The following AURKA variants were observed in gnomAD, a reference collection of about 807,000 sequenced individuals.
AURKA encodes the protein aurora 2.
AURKA carries 12 observed loss-of-function variants against 40.9 expected under a neutral mutation model. That is an observed-to-expected ratio of 0.29 (90% confidence interval 0.19 to 0.48). The LOEUF (loss-of-function observed/expected upper bound fraction) is 0.48. Among genes scored for constraint, AURKA ranks in the 20% least tolerant of loss-of-function variants. The pLI is 0.99. For missense variants in AURKA, 322 were observed against 462.1 expected, an observed-to-expected ratio of 0.70 and a Z score of 2.78; for synonymous variants, 170 against 164.3, an observed-to-expected ratio of 1.03 and a Z score of -0.26.
intron 6 of AURKA, among the ~76,000 whole-genome samples, chr20:56,376,241 G>C (rs973190834): frequency 6.6e-6 from 1 of 152,202 alleles, no homozygotes; most frequent in Non-Finnish European, 1.5e-5. Context: ...GTGAGTACCT[G>C]AGGTAGAGTC....
At position 56,391,690 on chromosome 20, in the gene AURKA, G is replaced by A. The variant is rs144597600; in HGVS notation, c.-6+478C>T. Reference sequence around the variant, plus strand: ...CACCCACTCATCCAGCCAGGACAAGGGCCTTCTTAGGCTATTCTATCTAAA... The same window carrying A: ...CACCCACTCATCCAGCCAGGACAAGAGCCTTCTTAGGCTATTCTATCTAAA... On this transcript the variant is annotated intron_variant, in intron 1 of 8. Transcript: ENST00000395915. Among the ~76,000 whole-genome samples the A allele has an allele frequency of 7.8e-3, 1,185 of 152,008 alleles. 8 individuals are homozygous for A. The highest frequency in any genetic ancestry group is 0.016 in the South Asian group (79 of 4,796).
chr20:56,381,628 A>G (rs772008269), intron 5 of AURKA, 57 bp from the exon 6 acceptor site: 104 of 1,602,300 alleles, frequency 6.5e-5, no homozygotes, highest in Non-Finnish European at 8.4e-5. Context: ...AAGACTATGT[A>G]CAAAATGTCA....
intron 6 of AURKA, 125 bp downstream of exon 6, chr20:56,381,308 A>G (rs1376628358): frequency 1.6e-6 from 2 of 1,226,552 alleles, no homozygotes; most frequent in African/African-American, 1.5e-5. Flanking sequence ...TTCCACTTCA[A>G]ATATTTGATA....
At chr20:56,379,432 G>C (rs1328625107) in intron 6 of AURKA, among the ~76,000 whole-genome samples, 1 of 152,178 alleles carries the variant, frequency 6.6e-6, no homozygotes, top group South Asian at 2.1e-4. Flanking sequence ...TTAATGAAGA[G>C]ATAGATGGAT....
At chr20:56,384,427 G>T in intron 3 of AURKA, 103 bp from the exon 4 acceptor site, 1 of 848,014 alleles carries the variant, frequency 1.2e-6, no homozygotes, top group Non-Finnish European at 1.9e-6. Context: ...AATATTAATG[G>T]TATGTCAAGA....
intron 6 of AURKA, among the ~76,000 whole-genome samples, chr20:56,379,247 C>T (rs2146171901): frequency 6.6e-6 from 1 of 152,268 alleles, no homozygotes; most frequent in East Asian, 1.9e-4. Flanking sequence ...AGCTGGTTAA[C>T]AATTCTGATA....
rs2146143937 is a variant in AURKA at position 56,373,960 on chromosome 20, C to CA, written c.706-405dup. Among the ~76,000 whole-genome samples, 1 of 151,036 alleles carries CA rather than the reference C, an allele frequency of 6.6e-6. No individual in the cohort carries two copies. Among genetic ancestry groups the CA allele is most frequent in the East Asian group, 2.0e-4 (1 of 5,118 alleles). ...CTGTCTCAAAAAGGAAAAGACAAAA[C>CA]AAAAAATACATTTTGCAGGTTTTAA... On this transcript the variant is annotated intron_variant, in intron 6 of 8. Coordinates refer to ENST00000395915, the MANE Select transcript of AURKA (RefSeq NM_198437.3). This position sits in a 1 kb window ranked among gnomAD's most constrained non-coding sequence, Gnocchi z 5.0.
At position 56,386,243 on chromosome 20, in the gene AURKA, A is replaced by G. The variant is rs1244331831; in HGVS notation, c.319+14T>C. 1.2e-6 allele frequency: 2 copies of G among 1,614,112 alleles called. No individual in the cohort carries two copies. The highest frequency in any genetic ancestry group is 3.3e-5 in the Admixed American group (2 of 60,008). On this transcript the variant is annotated intron_variant, in intron 3 of 8. Coordinates refer to ENST00000395915, the MANE Select transcript of AURKA (RefSeq NM_198437.3). ...AAAGAAGGACTATCCAATGAGTCTC[A>G]AAAGCTAGTTTACCAGGTGCCGATG...
Position 56,377,554 on chromosome 20 carries a change from C to T in AURKA, c.705+3879G>A, listed in dbSNP as rs575417026. ...CTATAATCCCAGCACTTTGGGAGGC[C>T]GAGGCAGGTGGATCACAAGGTCAAG... is the stretch of plus-strand genomic sequence containing the variant. On this transcript the variant is annotated intron_variant, in intron 6 of 8. Transcript: ENST00000395915. Among the ~76,000 whole-genome samples the T allele has an allele frequency of 5.9e-5, 9 of 152,106 alleles. No homozygotes were observed. In the South Asian group the frequency reaches 1.7e-3, roughly 28 times the overall value.
At chr20:56,384,098 C>T (rs1181568024) in intron 4 of AURKA, among the ~76,000 whole-genome samples, 172 bp downstream of exon 4, 1 of 152,096 alleles carries the variant, frequency 6.6e-6, no homozygotes, top group Admixed American at 6.6e-5. Flanking sequence ...TAGTAAAATA[C>T]CTCATTACAC....
At chr20:56,382,151 G>A (rs1160326404) in intron 5 of AURKA, among the ~76,000 whole-genome samples, 16 of 148,936 alleles carry the variant, frequency 1.1e-4, no homozygotes, top group East Asian at 4.0e-4. Context: ...GCAACAGAGC[G>A]AGACTCCATC....
chr20:56,371,330 T>C (rs374651085), intron 7 of AURKA, among the ~76,000 whole-genome samples: 1,582 of 140,508 alleles, frequency 0.011, 11 homozygotes, highest in South Asian at 0.037. Context: ...GGTGTGGTGG[T>C]GTGCGCCTGT....
Position 56,384,316 on chromosome 20 carries a change from GATT to G in AURKA, c.325_327del (p.Asn109del), listed in dbSNP as rs1401130777. The G allele has an allele frequency of 1.9e-6, 3 of 1,598,986 alleles. No individual in the cohort carries two copies. The Admixed American group carries it at 5.0e-5, about 27-fold the overall frequency. On this transcript the variant is annotated inframe_deletion, in exon 4 of 9. Transcript: ENST00000395915. ...TGTTTTGATGCCAGTTCCTCCTCAG[GATT>G]ATTTTCTATATGGAATAAGTTAAAA...
intron 3 of AURKA, among the ~76,000 whole-genome samples, chr20:56,385,082 C>A (rs552174272): frequency 3.7e-4 from 56 of 152,216 alleles, no homozygotes; most frequent in Non-Finnish European, 6.3e-4. Context: ...CCTCTTTATT[C>A]ATCTTTCAGG....
chr20:56,376,570 T>C (rs542904110), intron 6 of AURKA, among the ~76,000 whole-genome samples: 3 of 148,916 alleles, frequency 2.0e-5, no homozygotes, highest in African/African-American at 7.4e-5. Context: ...AGAGAACTAA[T>C]GTCCACACTA....
rs549846915 is a variant in AURKA, at chr20:56,381,162, G to A, written c.705+271C>T. Among the ~76,000 whole-genome samples the A allele has an allele frequency of 2.0e-5, 3 of 152,110 alleles. No homozygotes were observed. In the South Asian group the frequency reaches 6.3e-4, roughly 32 times the overall value. On this transcript the variant is annotated intron_variant, in intron 6 of 8. Coordinates refer to ENST00000395915, the MANE Select transcript of AURKA (RefSeq NM_198437.3). ...AAATAAAACATCTATTAAAGAAAAT[G>A]AGGGTGACTATCTATATACATTATA... is the stretch of plus-strand genomic sequence containing the variant.
At chr20:56,375,284 T>C (rs1050151531) in intron 6 of AURKA, among the ~76,000 whole-genome samples, 1 of 151,280 alleles carries the variant, frequency 6.6e-6, no homozygotes, top group African/African-American at 2.4e-5. Flanking sequence ...TGTGCCACCA[T>C]GCCCAGCTAA....
chr20:56,390,902 C>T (rs1369472338), intron 1 of AURKA, among the ~76,000 whole-genome samples: 5 of 152,168 alleles, frequency 3.3e-5, no homozygotes, highest in Non-Finnish European at 5.9e-5. Context: ...ATCACATAGG[C>T]CTAACAACAT....
chr20:56,379,471 A>G (rs1325133886), intron 6 of AURKA, among the ~76,000 whole-genome samples: 9 of 152,182 alleles, frequency 5.9e-5, no homozygotes, highest in Admixed American at 5.2e-4. Flanking sequence ...CTATCCACAT[A>G]TATTCCCTTG....
Sources: gnomAD v4.1 joint callset for allele counts (sites outside exome capture counted in the v4.1 genomes callset) on GRCh38, gnomAD v4.1.1 for gene constraint, Gnocchi (gnomAD v3.1) non-coding constraint, MANE v1.5 for transcripts, NCBI Gene and HGNC (gene_info 2026-07-23, HGNC 2026-07-21) for gene names.